Variants in KAZN observed in about 807,000 individuals in gnomAD.
The protein encoded by KAZN is kazrin, periplakin interacting protein, also known as kazrin.
Under a neutral mutation model 87.4 loss-of-function variants are expected in KAZN, and 40 were observed. The ratio of observed to expected loss-of-function variants is 0.46; its 90% CI spans 0.36 to 0.60. The LOEUF is 0.60. Among genes scored for constraint, KAZN ranks in the 20% least tolerant of loss-of-function variants. The pLI, the probability that KAZN is intolerant of heterozygous loss-of-function variation, is 0.00. For missense variants in KAZN, 898 were observed against 1,073.9 expected (o/e 0.84, Z 2.29); for synonymous variants, 466 against 458.3 (o/e 1.02, Z -0.22).
At chr1:14,589,267 C>T (rs1456464665) in intron 2 of KAZN, among the ~76,000 whole-genome samples, 1 of 150,390 alleles carries the variant, frequency 6.6e-6, no homozygotes, top group Non-Finnish European at 1.5e-5. Flanking sequence ...AATAATGTGG[C>T]CTTGGAGTTC....
chr1:14,229,695 C>T (rs1647627270), intron 2 of KAZN, among the ~76,000 whole-genome samples: 1 of 152,222 alleles, frequency 6.6e-6, no homozygotes, highest in African/African-American at 2.4e-5. Context: ...CTTTCAGGGC[C>T]CAAGCCCTGG....
chr1:14,620,926 T>C (rs1355253755), intron 1 of KAZN, among the ~76,000 whole-genome samples: 2 of 152,186 alleles, frequency 1.3e-5, no homozygotes, highest in South Asian at 2.1e-4. Context: ...TCATCTTCAG[T>C]GTGCCCATTT....
chr1:14,632,923 T>A (rs1255193902), intron 1 of KAZN, among the ~76,000 whole-genome samples: 3 of 151,102 alleles, frequency 2.0e-5, no homozygotes, highest in Non-Finnish European at 4.4e-5. Flanking sequence ...GCACTTTATT[T>A]ATTTTTTTTT....
intron 1 of KAZN, among the ~76,000 whole-genome samples, chr1:13,930,130 C>T (rs1467824225): frequency 1.3e-5 from 2 of 152,204 alleles, no homozygotes; most frequent in African/African-American, 2.4e-5. Flanking sequence ...GAACATCCTG[C>T]CCCCTCTTCC....
At chr1:14,637,331 C>A (rs1297870493) in intron 1 of KAZN, among the ~76,000 whole-genome samples, 1 of 152,126 alleles carries the variant, frequency 6.6e-6, no homozygotes, top group African/African-American at 2.4e-5. Context: ...GAGCTGAGTT[C>A]TTTGCTTACA....
At chr1:15,049,860 C>A (rs938530526) in intron 4 of KAZN, among the ~76,000 whole-genome samples, 1 of 152,062 alleles carries the variant, frequency 6.6e-6, no homozygotes, top group Non-Finnish European at 1.5e-5. Flanking sequence ...CCCGTCTCTA[C>A]TAAAAATACA....
At chr1:14,364,519 A>T (rs958501102) in intron 2 of KAZN, among the ~76,000 whole-genome samples, 2 of 152,238 alleles carry the variant, frequency 1.3e-5, no homozygotes, top group Non-Finnish European at 2.9e-5. Context: ...GTTATTTAGC[A>T]TAACAGTATA....
chr1:14,525,256 A>G (rs1276955940), intron 2 of KAZN, among the ~76,000 whole-genome samples: 2 of 152,262 alleles, frequency 1.3e-5, no homozygotes, highest in Non-Finnish European at 2.9e-5. Flanking sequence ...GCCATACAGA[A>G]TTAGCTTGCC....
At position 14,857,936 on chromosome 1, in the gene KAZN, A is replaced by C. The variant is rs558734392; in HGVS notation, c.227-102748A>C. Among the ~76,000 whole-genome samples the C allele has an allele frequency of 3.7e-4, 57 of 152,252 alleles. 2 individuals are homozygous for C. In the South Asian group the frequency reaches 0.011, roughly 30 times the overall value. ...TCATCACCCCCAAAAGATACTCTGT[A>C]CCTATGAGTAGTCATTTCTTATCCT... On this transcript the variant is annotated intron_variant, in intron 1 of 14. Transcript: ENST00000376030.
At chr1:14,472,175 A>C (rs1219329160) in intron 2 of KAZN, among the ~76,000 whole-genome samples, 2 of 152,134 alleles carry the variant, frequency 1.3e-5, no homozygotes, top group Non-Finnish European at 2.9e-5. Flanking sequence ...CTCATCACTT[A>C]ATCAGGTCCT....
intron 3 of KAZN, among the ~76,000 whole-genome samples, chr1:15,039,021 A>C (rs948675621): frequency 6.7e-6 from 1 of 148,968 alleles, no homozygotes; most frequent in Non-Finnish European, 1.5e-5. Context: ...TACCAGTAGC[A>C]GATGTTTATT....
intron 2 of KAZN, among the ~76,000 whole-genome samples, chr1:14,505,360 CAAGCCA>C (rs1553181207): frequency 6.6e-6 from 1 of 152,154 alleles, no homozygotes. Flanking sequence ...CCTAGGCAGA[CAAGCCA>C]ATAGATGTCT....
chr1:14,649,349 T>A (rs71510960), intron 1 of KAZN, among the ~76,000 whole-genome samples: 41,451 of 151,932 alleles, frequency 0.27, 5,884 homozygotes, highest in South Asian at 0.38. Context: ...GATGGGGAAT[T>A]AAGCACAGAG....
chr1:14,416,050 A>G (rs138686945), intron 2 of KAZN, among the ~76,000 whole-genome samples: 2 of 152,156 alleles, frequency 1.3e-5, no homozygotes, highest in Non-Finnish European at 2.9e-5. Context: ...GCTGCTGAAG[A>G]GTTTGCAGAA....
rs1181228578 is a variant in KAZN, at chr1:14,985,401, A to C, written c.418+24526A>C. On this transcript the variant is annotated intron_variant, in intron 2 of 14. Coordinates refer to ENST00000376030, the MANE Select transcript of KAZN (RefSeq NM_201628.3). ...TTAAAAATTAGCTGGGCATGGTGGC[A>C]CTCACCTGTGGTCCCACACTCTGGG... 3.3e-5 allele frequency among the ~76,000 whole-genome samples: 5 copies of C among 151,198 alleles called. No individual in the cohort carries two copies. In the East Asian group the frequency reaches 7.9e-4, roughly 24 times the overall value.
intron 2 of KAZN, among the ~76,000 whole-genome samples, chr1:14,294,900 CTT>C (rs556014505): frequency 4.3e-5 from 6 of 139,722 alleles, no homozygotes; most frequent in Admixed American, 1.4e-4. Flanking sequence ...TCATTCAGAT[CTT>C]TTTTTTTTTT....
chr1:15,019,356 G>A (rs1360329175), intron 2 of KAZN, among the ~76,000 whole-genome samples: 1 of 152,180 alleles, frequency 6.6e-6, no homozygotes, highest in East Asian at 1.9e-4. Context: ...CTGGGTCAGT[G>A]TAATCTACCT....
chr1:13,997,680 A>G (rs1639588585), intron 1 of KAZN, among the ~76,000 whole-genome samples: 1 of 152,076 alleles, frequency 6.6e-6, no homozygotes, highest in Admixed American at 6.6e-5. Context: ...AAAAAGAATG[A>G]AAAGGAATTA....
chr1:14,757,852 C>A (rs1216849163), intron 1 of KAZN, among the ~76,000 whole-genome samples: 2 of 152,046 alleles, frequency 1.3e-5, no homozygotes, highest in South Asian at 2.1e-4. Context: ...GTTTATAGAA[C>A]CTGTCGCCAC....
Sources: allele counts gnomAD v4.1 joint callset (sites outside exome capture counted in the v4.1 genomes callset), GRCh38; gene constraint gnomAD v4.1.1; transcripts MANE v1.5; gene names NCBI Gene and HGNC (gene_info 2026-07-23, HGNC 2026-07-21).